The following DST variants were observed in gnomAD, a reference collection of about 807,000 sequenced individuals.
DST encodes bullous pemphigoid antigen.
Under a neutral mutation model 875.2 loss-of-function variants are expected in DST, and 253 were observed. That is an observed-to-expected ratio of 0.29 (90% CI 0.26 to 0.32). The LOEUF (loss-of-function observed/expected upper bound fraction) is 0.32, where lower values mean the gene tolerates loss of function less well. Ranked by LOEUF, DST falls within the 10% of genes least tolerant of loss-of-function variation. DST has a pLI of 1.00. For missense variants in DST, 8,287 were observed against 9,111.6 expected, an observed-to-expected ratio of 0.91 and a Z score of 3.68; for synonymous variants, 3,124 against 3,197.1, an observed-to-expected ratio of 0.98 and a Z score of 0.77.
intron 39 of DST, 81 bp from the exon 40 acceptor site, chr6:56,609,425 A>G: frequency 2.1e-6 from 2 of 955,852 alleles, no homozygotes; most frequent in Non-Finnish European, 3.1e-6. Flanking sequence ...GTTTTTTAAA[A>G]AATAAATAAT....
intron 39 of DST, 45 bp from the exon 40 acceptor site, chr6:56,609,389 G>C (rs371951925): frequency 7.1e-7 from 1 of 1,400,054 alleles, no homozygotes. Context: ...GTTACACAAG[G>C]GTGGGCGGAG....
chr6:56,516,228 C>A (rs1415767643), intron 71 of DST, among the ~76,000 whole-genome samples: 1 of 151,834 alleles, frequency 6.6e-6, no homozygotes, highest in Non-Finnish European at 1.5e-5. Context: ...CAAAGCAGAA[C>A]ATTTGCCATT....
At chr6:56,923,437 T>C (rs980049926) in intron 2 of DST, among the ~76,000 whole-genome samples, 5 of 120,292 alleles carry the variant, frequency 4.2e-5, no homozygotes, top group Non-Finnish European at 6.5e-5. Flanking sequence ...ATGGAGAGAG[T>C]GGATGCTGGT....
chr6:56,536,872 G>A lies in DST; in HGVS notation c.16677C>T (p.Gly5559=). The A allele has an allele frequency of 6.2e-7, 1 of 1,613,842 alleles. No homozygotes were observed. Among genetic ancestry groups the A allele is most frequent in the Non-Finnish European group, 8.5e-7 (1 of 1,179,798 alleles). The change falls in exon 62 of 104, where the codon GGC becomes GGT. Residue 5559 remains glycine, a synonymous_variant. Transcript: ENST00000680361. The stretch of plus-strand genomic sequence containing the variant: ...TGCTTTTGGCAGCACTCTGAATAAG[G>A]CCTTGACCTAACCAGTTTACATCTT... ...KQQDVNWLGQ[G]LIQSAAKSTS... is the part of the protein sequence containing the mutation.
chr6:56,623,556 A>C (rs1205710357), intron 36 of DST, among the ~76,000 whole-genome samples: 1 of 152,194 alleles, frequency 6.6e-6, no homozygotes, highest in East Asian at 1.9e-4. Context: ...ACAGTTTATA[A>C]AAGTGGTCAC....
chr6:56,925,725 G>C (rs1225290285), intron 2 of DST, among the ~76,000 whole-genome samples: 1 of 152,140 alleles, frequency 6.6e-6, no homozygotes, highest in Non-Finnish European at 1.5e-5. Context: ...TTTCCAAGTG[G>C]AAGCATCATG....
intron 5 of DST, among the ~76,000 whole-genome samples, chr6:56,720,775 A>G (rs936695100): frequency 6.6e-5 from 10 of 152,180 alleles, no homozygotes; most frequent in African/African-American, 2.2e-4. Context: ...CACAGTAACA[A>G]TGTGATCTCT....
chr6:56,723,157 T>C (rs1335070788), intron 5 of DST, among the ~76,000 whole-genome samples: 2 of 152,272 alleles, frequency 1.3e-5, no homozygotes, highest in Middle Eastern at 3.4e-3. Context: ...CCAAGATAAG[T>C]AGGTGGAAGT....
At chr6:56,496,533 A>T (rs977771686) in intron 82 of DST, among the ~76,000 whole-genome samples, 4 of 152,102 alleles carry the variant, frequency 2.6e-5, no homozygotes, top group Non-Finnish European at 4.4e-5. Flanking sequence ...ACCAAATGAG[A>T]CAATCATGCT....
intron 4 of DST, among the ~76,000 whole-genome samples, chr6:56,830,342 A>G (rs1367534942): frequency 6.6e-6 from 1 of 152,214 alleles, no homozygotes; most frequent in Non-Finnish European, 1.5e-5. Context: ...TTTAAATGTT[A>G]TATATTATGG....
At chr6:56,478,406 TA>T (rs886339351) in intron 90 of DST, among the ~76,000 whole-genome samples, 4 of 152,226 alleles carry the variant, frequency 2.6e-5, no homozygotes, top group African/African-American at 9.6e-5. Context: ...AAAATGCCAG[TA>T]AGAGCCACTC....
At chr6:56,812,151 A>AAAGAAAAGAAAAGAG (rs375791736) in intron 4 of DST, among the ~76,000 whole-genome samples, 1 of 146,362 alleles carries the variant, frequency 6.8e-6, no homozygotes, top group Non-Finnish European at 1.5e-5. Flanking sequence ...AAAGAAAAGA[A>AAAGAAAAGAAAAGAG]AAAAGAAAAT....
At chr6:56,776,977 T>C (rs1385038131) in intron 4 of DST, among the ~76,000 whole-genome samples, 2 of 152,184 alleles carry the variant, frequency 1.3e-5, no homozygotes, top group Non-Finnish European at 2.9e-5. Flanking sequence ...ATTTTAACAA[T>C]TATAGTAATG....
chr6:56,725,186 A>C (rs2099446236), intron 5 of DST, among the ~76,000 whole-genome samples: 1 of 152,168 alleles, frequency 6.6e-6, no homozygotes, highest in Non-Finnish European at 1.5e-5. Flanking sequence ...TCCCCACCAC[A>C]CTGTGCCACC....
At chr6:56,873,342 T>C (rs950507877) in intron 3 of DST, among the ~76,000 whole-genome samples, 5 of 152,220 alleles carry the variant, frequency 3.3e-5, no homozygotes, top group African/African-American at 1.2e-4. Context: ...TTTAGCTTGA[T>C]GTGATCCCAC....
chr6:56,795,782 T>A (rs1465607896), intron 4 of DST, among the ~76,000 whole-genome samples: 1 of 152,044 alleles, frequency 6.6e-6, no homozygotes, highest in Non-Finnish European at 1.5e-5. Context: ...TGAGATTTTG[T>A]AATAGCAATA....
chr6:56,811,382 T>C (rs901519183), intron 4 of DST, among the ~76,000 whole-genome samples: 8 of 152,020 alleles, frequency 5.3e-5, no homozygotes, highest in Non-Finnish European at 7.4e-5. Flanking sequence ...AAATGGGCCA[T>C]GGACCCAGCT....
chr6:56,662,486 A>G (rs976548129), intron 10 of DST, among the ~76,000 whole-genome samples: 2 of 152,246 alleles, frequency 1.3e-5, no homozygotes, highest in African/African-American at 4.8e-5. Context: ...GACTGTGGTA[A>G]CAAGTGCCTG....
At chr6:56,636,376 A>G (rs2098825936) in intron 23 of DST, among the ~76,000 whole-genome samples, 181 bp downstream of exon 23, 1 of 151,108 alleles carries the variant, frequency 6.6e-6, no homozygotes, top group Admixed American at 6.6e-5. Flanking sequence ...ATATATATAC[A>G]CACATATATG....
Sources: allele counts gnomAD v4.1 joint callset (sites outside exome capture counted in the v4.1 genomes callset), GRCh38; gene constraint gnomAD v4.1.1; transcripts MANE v1.5; gene names NCBI Gene and HGNC (gene_info 2026-07-23, HGNC 2026-07-21).